Variants in GABRR2 observed in about 807,000 individuals in gnomAD.
GABRR2 encodes the protein gamma-aminobutyric acid receptor subunit rho-2.
Under a neutral mutation model 47.0 loss-of-function variants are expected in GABRR2, and 36 were observed. That is an observed-to-expected ratio of 0.77 (90% CI 0.59 to 1.01). The LOEUF (loss-of-function observed/expected upper bound fraction) is 1.01. GABRR2 is among the 50% of genes least tolerant of loss of function. GABRR2 has a pLI of 0.00. For synonymous variants in GABRR2, 204 were observed against 227.5 expected, an observed-to-expected ratio of 0.90 and a Z score of 0.93; for missense variants, 587 against 594.6, an observed-to-expected ratio of 0.99 and a Z score of 0.13.
chr6:89,305,616 C>G (rs922001351), intron 1 of GABRR2, among the ~76,000 whole-genome samples: 1 of 151,850 alleles, frequency 6.6e-6, no homozygotes, highest in Admixed American at 6.6e-5. Context: ...TGACAAAGAC[C>G]CTGTCTCACA....
At chr6:89,272,914 G>A (rs1243906260) in intron 2 of GABRR2, among the ~76,000 whole-genome samples, 2 of 152,202 alleles carry the variant, frequency 1.3e-5, no homozygotes, top group African/African-American at 4.8e-5. Flanking sequence ...CAGGGTAGAG[G>A]TCCTCTTGGA....
chr6:89,309,771 C>CTTATTA (rs1252989866), intron 1 of GABRR2, among the ~76,000 whole-genome samples: 3 of 151,406 alleles, frequency 2.0e-5, no homozygotes, highest in African/African-American at 7.3e-5. Flanking sequence ...CATGCTTCTT[C>CTTATTA]TTCTTCTTAT....
intron 8 of GABRR2, among the ~76,000 whole-genome samples, chr6:89,258,349 G>A (rs1773656425): frequency 6.6e-6 from 1 of 152,030 alleles, no homozygotes; most frequent in Non-Finnish European, 1.5e-5. Flanking sequence ...TGTCAGAGCA[G>A]GACTCTAAAT....
chr6:89,289,644 C>G (rs1402175955), intron 2 of GABRR2, among the ~76,000 whole-genome samples: 1 of 152,216 alleles, frequency 6.6e-6, no homozygotes, highest in East Asian at 1.9e-4. Context: ...ATCTGAATTA[C>G]AGTCTGATGG....
Position 89,291,663 on chromosome 6 carries a change from C to T in GABRR2, c.220+8096G>A, listed in dbSNP as rs150508160. Among the ~76,000 whole-genome samples, 10 of 152,284 alleles carry T rather than the reference C, an allele frequency of 6.6e-5. No homozygotes were observed. In the East Asian group the frequency reaches 1.7e-3, roughly 26 times the overall value. ...GATGCAGGCTTCTGCAATCTCCTCT[C>T]GGGGCAGAACTGAGCATTCCCTCCT... On this transcript the variant is annotated intron_variant, in intron 2 of 8. Transcript: ENST00000402938.
At position 89,257,590 on chromosome 6, in the gene GABRR2, T is replaced by C. The variant is rs879764271; in HGVS notation, c.*80A>G. ...GCTGCATTGTTTGGTGAGGGGCGTG[T>C]GGTCAACAAGTCCGTCTGTCAATGA... is the stretch of plus-strand genomic sequence containing the variant. On this transcript the variant is annotated 3_prime_UTR_variant, in exon 9 of 9. Transcript: ENST00000402938. 3.5e-5 allele frequency: 40 copies of C among 1,144,822 alleles called. No individual in the cohort carries two copies. The highest frequency in any genetic ancestry group is 1.4e-4 in the South Asian group (9 of 65,170). 70.9% of individuals were successfully genotyped at this position (1,144,822 alleles called of 1,614,324 possible). A position where few individuals can be genotyped will look rare whatever the true frequency, so the allele number is the denominator to read the frequency against.
intron 8 of GABRR2, among the ~76,000 whole-genome samples, chr6:89,259,266 T>C (rs1165650282): frequency 2.6e-5 from 4 of 152,152 alleles, no homozygotes; most frequent in African/African-American, 7.2e-5. Context: ...AGTGAAATAA[T>C]GAAGTTTCAC....
intron 8 of GABRR2, among the ~76,000 whole-genome samples, chr6:89,260,722 G>C (rs753175899): frequency 6.6e-6 from 1 of 152,158 alleles, no homozygotes; most frequent in Non-Finnish European, 1.5e-5. Context: ...AGTAGACCTA[G>C]GGTGTGGTCT....
chr6:89,306,736 G>A (rs554423197), intron 1 of GABRR2, among the ~76,000 whole-genome samples: 5 of 150,670 alleles, frequency 3.3e-5, no homozygotes, highest in Admixed American at 2.0e-4. Flanking sequence ...AAAGCAGTCA[G>A]ATCCAAAATG....
At chr6:89,283,917 G>A (rs1299995210) in intron 2 of GABRR2, among the ~76,000 whole-genome samples, 2 of 152,194 alleles carry the variant, frequency 1.3e-5, no homozygotes, top group Non-Finnish European at 1.5e-5. Context: ...GGATAGTCAT[G>A]TGGAAGAGAG....
chr6:89,280,247 T>TATATATATATATATATATATACAC, intron 2 of GABRR2, among the ~76,000 whole-genome samples: 1 of 101,344 alleles, frequency 9.9e-6, no homozygotes, highest in South Asian at 3.5e-4. Flanking sequence ...TATATATATA[T>TATATATATATATATATATATACAC]ATATATACAT....
At chr6:89,302,198 G>A (rs946061298) in intron 1 of GABRR2, 19 of 556,208 alleles carry the variant, frequency 3.4e-5, no homozygotes, top group South Asian at 2.8e-4. Context: ...CTCGCTGGGC[G>A]GGGGCACAAG....
rs534473723 is a variant in GABRR2, at chr6:89,286,563, A to G, written c.220+13196T>C. Among the ~76,000 whole-genome samples, 213 of 152,242 alleles carry G rather than the reference A, an allele frequency of 1.4e-3. 1 individual carries two copies. Among genetic ancestry groups the G allele is most frequent in the African/African-American group, 5.0e-3 (208 of 41,536 alleles). ...ACTTGTTAATTATACCTCAAAGCAGAAAACAAAATGAAAAAAAAAAACTAT... is the reference window on the plus strand; with the variant it reads ...ACTTGTTAATTATACCTCAAAGCAGGAAACAAAATGAAAAAAAAAAACTAT... On this transcript the variant is annotated intron_variant, in intron 2 of 8. Coordinates refer to ENST00000402938, the MANE Select transcript of GABRR2 (RefSeq NM_002043.5).
chr6:89,286,823 G>T (rs1331346938), intron 2 of GABRR2, among the ~76,000 whole-genome samples: 1 of 152,174 alleles, frequency 6.6e-6, no homozygotes, highest in Non-Finnish European at 1.5e-5. Context: ...CATGGTGTCA[G>T]GTTGCGGCTT....
chr6:89,283,171 G>A lies in GABRR2; in HGVS notation c.221-11449C>T, dbSNP rs892441600. ...TGTGAATTGCCCGTTTCTGTTCTTT[G>A]CACATTTTTCTATTGGATTTTAATT... On this transcript the variant is annotated intron_variant, in intron 2 of 8. Coordinates refer to ENST00000402938, the MANE Select transcript of GABRR2 (RefSeq NM_002043.5). Among the ~76,000 whole-genome samples, 10 of 149,700 alleles carry A rather than the reference G, an allele frequency of 6.7e-5. 1 individual carries two copies. In the South Asian group the frequency reaches 1.1e-3, roughly 16 times the overall value.
rs767903157 is a variant in GABRR2 at position 89,267,725 on chromosome 6, A to C, written c.690T>G (p.Ile230Met). Residue 230 changes from isoleucine to methionine, a missense_variant, in exon 6 of 9, where the codon ATT becomes ATG. Ile to Met is a conservative substitution (Grantham distance 10). Transcript: ENST00000402938. Reference protein sequence around the residue: ...DEKISLSQFLIQKFHTTSRLA... With the variant: ...DEKISLSQFLMQKFHTTSRLA... Reference sequence around the variant, plus strand: ...GCCTGGAAGTTGTGTGAAATTTCTGAATCAGAAACTGAGACAAGGAGATCT... The same window carrying C: ...GCCTGGAAGTTGTGTGAAATTTCTGCATCAGAAACTGAGACAAGGAGATCT... The C allele has an allele frequency of 6.9e-5, 111 of 1,613,830 alleles. No individual in the cohort carries two copies. The highest frequency in any genetic ancestry group is 8.8e-5 in the Non-Finnish European group (104 of 1,179,872).
At chr6:89,279,720 C>T (rs930385215) in intron 2 of GABRR2, among the ~76,000 whole-genome samples, 45 of 150,524 alleles carry the variant, frequency 3.0e-4, no homozygotes, top group African/African-American at 1.1e-3. Context: ...CTGCCTGTAT[C>T]TGAATTTTGT....
At chr6:89,267,107 C>T (rs899829335) in intron 6 of GABRR2, among the ~76,000 whole-genome samples, 2 of 149,436 alleles carry the variant, frequency 1.3e-5, no homozygotes, top group Non-Finnish European at 3.0e-5. Context: ...TCAAGCAATT[C>T]TCCTGTCTCA....
At chr6:89,297,395 C>G (rs1011670949) in intron 2 of GABRR2, among the ~76,000 whole-genome samples, 1 of 152,178 alleles carries the variant, frequency 6.6e-6, no homozygotes, top group Non-Finnish European at 1.5e-5. Context: ...GGTCCAACCT[C>G]AGCTGACCTG....
Sources: gnomAD v4.1 joint callset for allele counts (sites outside exome capture counted in the v4.1 genomes callset) on GRCh38, gnomAD v4.1.1 for gene constraint, MANE v1.5 for transcripts, NCBI Gene and HGNC (gene_info 2026-07-23, HGNC 2026-07-21) for gene names.